Variants in IMMP2L observed in about 807,000 individuals in gnomAD.
IMMP2L encodes inner mitochondrial membrane peptidase subunit 2, also known as mitochondrial inner membrane protease subunit 2.
In IMMP2L, 18 loss-of-function variants were observed where a neutral mutation model predicts 19.3. The ratio of observed to expected loss-of-function variants is 0.93; its 90% confidence interval spans 0.64 to 1.38. IMMP2L has a LOEUF of 1.38. Among genes scored for constraint, IMMP2L ranks in the 40% most tolerant of loss-of-function variants. The pLI, the probability that IMMP2L is intolerant of heterozygous loss-of-function variation, is 0.00. For synonymous variants in IMMP2L, 76 were observed against 73.0 expected, an observed-to-expected ratio of 1.04 and a Z score of -0.21; for missense variants, 233 against 218.2, an observed-to-expected ratio of 1.07 and a Z score of -0.43.
At chr7:111,561,132 G>C (rs1036016007) in intron 1 of IMMP2L, among the ~76,000 whole-genome samples, 7 of 152,156 alleles carry the variant, frequency 4.6e-5, no homozygotes, top group African/African-American at 1.7e-4. Context: ...GTGTATTAAA[G>C]AAGTGATAGA....
intron 5 of IMMP2L, among the ~76,000 whole-genome samples, chr7:110,770,916 C>A (rs1372930523): frequency 6.6e-6 from 1 of 152,152 alleles, no homozygotes; most frequent in Non-Finnish European, 1.5e-5. Flanking sequence ...ATTGCTCCCA[C>A]AGAGCTGTGT....
chr7:111,144,172 T>C (rs543202291), intron 3 of IMMP2L, among the ~76,000 whole-genome samples: 1 of 152,262 alleles, frequency 6.6e-6, no homozygotes, highest in African/African-American at 2.4e-5. Flanking sequence ...GTCTCCCCAG[T>C]ATTTGACATT....
At chr7:110,680,814 A>C (rs549603403) in intron 5 of IMMP2L, among the ~76,000 whole-genome samples, 1 of 152,272 alleles carries the variant, frequency 6.6e-6, no homozygotes, top group Non-Finnish European at 1.5e-5. Flanking sequence ...ACCTAGGACC[A>C]TGAACATGAA....
chr7:110,748,976 G>A (rs529847259), intron 5 of IMMP2L, among the ~76,000 whole-genome samples: 48 of 152,180 alleles, frequency 3.2e-4, no homozygotes, highest in African/African-American at 1.1e-3. Flanking sequence ...TACAGAATGG[G>A]AGAAAATTTT....
chr7:111,277,608 A>G (rs1005573946), intron 3 of IMMP2L, among the ~76,000 whole-genome samples: 2 of 151,986 alleles, frequency 1.3e-5, no homozygotes, highest in Non-Finnish European at 2.9e-5. Context: ...AGATGTTGGC[A>G]AAGATGCAGC....
At position 110,877,571 on chromosome 7, in the gene IMMP2L, C is replaced by T. The variant is rs909618005; in HGVS notation, c.408+9022G>A. Among the ~76,000 whole-genome samples, 2 of 152,066 alleles carry T rather than the reference C, an allele frequency of 1.3e-5. No individual in the cohort carries two copies. The highest frequency in any genetic ancestry group is 4.8e-5 in the African/African-American group (2 of 41,414). On this transcript the variant is annotated intron_variant, in intron 5 of 5. Coordinates refer to ENST00000405709, the MANE Select transcript of IMMP2L (RefSeq NM_032549.4). The surrounding 1 kb of genome is among the most constrained non-coding windows in gnomAD (Gnocchi z 4.0). ...ATGATCAAGGCATAGGCAGGTAAGA[C>T]GGATCTGGAAAATTTGGCGGGAGAC...
At chr7:111,128,552 T>G (rs997898749) in intron 3 of IMMP2L, among the ~76,000 whole-genome samples, 2 of 152,112 alleles carry the variant, frequency 1.3e-5, no homozygotes, top group East Asian at 3.9e-4. Context: ...TTAGGCTGAG[T>G]GTGATGGCTC....
intron 3 of IMMP2L, among the ~76,000 whole-genome samples, chr7:111,318,984 C>T (rs1228082513): frequency 6.6e-6 from 1 of 152,104 alleles, no homozygotes; most frequent in Non-Finnish European, 1.5e-5. Context: ...GCTATCATTA[C>T]CTTAAATGTT....
intron 3 of IMMP2L, among the ~76,000 whole-genome samples, chr7:111,354,139 T>C (rs986971898): frequency 3.3e-5 from 5 of 151,928 alleles, no homozygotes; most frequent in Non-Finnish European, 5.9e-5. Context: ...AGGAAAAAAC[T>C]ACAGAACCTT....
At chr7:111,533,737 T>C (rs1476542912) in intron 1 of IMMP2L, among the ~76,000 whole-genome samples, 1 of 151,874 alleles carries the variant, frequency 6.6e-6, no homozygotes, top group African/African-American at 2.4e-5. Flanking sequence ...ATGTAATAAA[T>C]AGAAATATAA....
chr7:110,804,351 T>C (rs1375667744), intron 5 of IMMP2L, among the ~76,000 whole-genome samples: 1 of 152,058 alleles, frequency 6.6e-6, no homozygotes. Flanking sequence ...TAATGTACTT[T>C]TGTACTTTTG....
At chr7:110,750,275 A>G (rs974743784) in intron 5 of IMMP2L, among the ~76,000 whole-genome samples, 2 of 152,092 alleles carry the variant, frequency 1.3e-5, no homozygotes, top group African/African-American at 4.8e-5. Context: ...GTCAATACAA[A>G]GCAAGGTCAC....
intron 3 of IMMP2L, among the ~76,000 whole-genome samples, chr7:111,075,000 A>G (rs1717938616): frequency 6.6e-6 from 1 of 152,142 alleles, no homozygotes; most frequent in Non-Finnish European, 1.5e-5. Context: ...GACGGAAAAG[A>G]TCATGGGAAG....
intron 3 of IMMP2L, among the ~76,000 whole-genome samples, chr7:111,225,350 G>A (rs1163213016): frequency 1.3e-5 from 2 of 152,028 alleles, no homozygotes; most frequent in African/African-American, 2.4e-5. Context: ...TGCAGCAGTA[G>A]TAATATTAAT....
intron 3 of IMMP2L, among the ~76,000 whole-genome samples, chr7:111,151,866 G>T (rs549622861): frequency 6.6e-6 from 1 of 152,246 alleles, no homozygotes; most frequent in South Asian, 2.1e-4. Context: ...AACCTGGGAG[G>T]CGGAGGTTGC....
At position 111,487,277 on chromosome 7, in the gene IMMP2L, C is replaced by T. The variant is rs1842735245; in HGVS notation, c.200G>A (p.Arg67Lys). The change falls in exon 3 of 6, where the codon AGG (arginine) becomes AAG (lysine). Residue 67 changes from arginine (R) to lysine (K), a missense_variant. Physicochemically the swap from Arg to Lys is conservative, Grantham distance 26. Coordinates refer to ENST00000405709, the MANE Select transcript of IMMP2L (RefSeq NM_032549.4). ...GTCACCACGGTGTACTTCAAAATTC[C>T]TCACTTTCCAGTGGTTCAAAAGCAC... is the stretch of plus-strand genomic sequence containing the variant. The part of the protein sequence containing the change: ...DVVLLNHWKV[R>K]NFEVHRGDIV... 6.2e-7 allele frequency: 1 copy of T among 1,607,938 alleles called. No homozygotes were observed. The highest frequency in any genetic ancestry group is 1.3e-5 in the African/African-American group (1 of 74,772).
intron 3 of IMMP2L, among the ~76,000 whole-genome samples, chr7:111,400,270 A>T (rs973811386): frequency 6.6e-6 from 1 of 152,184 alleles, no homozygotes; most frequent in African/African-American, 2.4e-5. Flanking sequence ...AAGACTTTTA[A>T]TTCCTTTCAG....
chr7:110,880,264 C>A (rs936603818), intron 5 of IMMP2L, among the ~76,000 whole-genome samples: 1 of 151,938 alleles, frequency 6.6e-6, no homozygotes, highest in Non-Finnish European at 1.5e-5. Context: ...AAAAAGATCA[C>A]CCACGTTACT....
chr7:110,849,069 T>A (rs913520908), intron 5 of IMMP2L, among the ~76,000 whole-genome samples: 2 of 152,054 alleles, frequency 1.3e-5, no homozygotes, highest in Non-Finnish European at 2.9e-5. Context: ...ACTATAGACT[T>A]TGGGTAATAA....
Sources: allele counts gnomAD v4.1 joint callset (sites outside exome capture counted in the v4.1 genomes callset), GRCh38; gene constraint gnomAD v4.1.1; non-coding constraint Gnocchi (gnomAD v3.1); transcripts MANE v1.5; gene names NCBI Gene and HGNC (gene_info 2026-07-23, HGNC 2026-07-21).